FGF14: variants seen among roughly 807,000 people sequenced by gnomAD.
FGF14 encodes fibroblast growth factor homologous factor 4.
FGF14 carries 5 observed loss-of-function variants against 25.5 expected under a neutral mutation model. That is an observed-to-expected ratio of 0.20 (90% confidence interval 0.10 to 0.41). The LOEUF (loss-of-function observed/expected upper bound fraction) is 0.41, where lower values mean the gene tolerates loss of function less well. Ranked by LOEUF, FGF14 falls within the 10% of genes least tolerant of loss-of-function variation. The pLI, the probability that FGF14 is intolerant of heterozygous loss-of-function variation, is 1.00. For missense variants in FGF14, 222 were observed against 320.1 expected (o/e 0.69, Z 2.34); for synonymous variants, 138 against 118.3 (o/e 1.17, Z -1.08).
At chr13:101,773,799 G>A (rs1001305533) in intron 3 of FGF14, among the ~76,000 whole-genome samples, 1 of 150,182 alleles carries the variant, frequency 6.7e-6, no homozygotes, top group Non-Finnish European at 1.5e-5. Flanking sequence ...TTGGGCTAAA[G>A]TCCCAACCAG....
At chr13:101,733,260 T>C (rs2035929318) in intron 3 of FGF14, among the ~76,000 whole-genome samples, 1 of 152,050 alleles carries the variant, frequency 6.6e-6, no homozygotes, top group African/African-American at 2.4e-5. Flanking sequence ...AGTTAATTGG[T>C]TGTGTGTGTA....
intron 1 of FGF14, among the ~76,000 whole-genome samples, chr13:101,885,562 G>A (rs774209636): frequency 6.6e-6 from 1 of 152,150 alleles, no homozygotes; most frequent in Non-Finnish European, 1.5e-5. Flanking sequence ...CACTCCTTTC[G>A]AATGGCATAG....
At chr13:101,957,990 A>G (rs928861979) in intron 1 of FGF14, among the ~76,000 whole-genome samples, 2 of 152,266 alleles carry the variant, frequency 1.3e-5, no homozygotes, top group African/African-American at 2.4e-5. Flanking sequence ...TAAATAGTAT[A>G]GGAAAATAAC....
intron 3 of FGF14, among the ~76,000 whole-genome samples, chr13:101,855,561 C>T (rs2044083078): frequency 6.6e-6 from 1 of 151,802 alleles, no homozygotes; most frequent in South Asian, 2.1e-4. Flanking sequence ...GAAATTAAGT[C>T]CTGCTATGTG....
chr13:102,241,626 A>G (rs1016636310), intron 1 of FGF14, among the ~76,000 whole-genome samples: 1 of 152,182 alleles, frequency 6.6e-6, no homozygotes, highest in African/African-American at 2.4e-5. Flanking sequence ...TTTGAGCTCA[A>G]GAACTTGAGC....
intron 3 of FGF14, among the ~76,000 whole-genome samples, chr13:101,840,018 T>A (rs2043121584): frequency 6.6e-6 from 1 of 151,990 alleles, no homozygotes; most frequent in African/African-American, 2.4e-5. Context: ...ATACTTGTGA[T>A]TTAATGCCCA....
intron 1 of FGF14, among the ~76,000 whole-genome samples, chr13:102,349,273 G>A (rs901035648): frequency 6.6e-6 from 1 of 152,122 alleles, no homozygotes; most frequent in East Asian, 1.9e-4. Context: ...GCTCAAACTA[G>A]TTCCACTAGC....
At chr13:102,280,229 C>T (rs751836102) in intron 1 of FGF14, among the ~76,000 whole-genome samples, 5 of 152,124 alleles carry the variant, frequency 3.3e-5, no homozygotes. Flanking sequence ...GAATAAATAG[C>T]ATATTTATCT....
chr13:101,837,416 A>G (rs1409884510), intron 3 of FGF14, among the ~76,000 whole-genome samples: 1 of 152,116 alleles, frequency 6.6e-6, no homozygotes, highest in Non-Finnish European at 1.5e-5. Context: ...TCTTGAAAAG[A>G]TAAGGTTTGT....
chr13:102,021,987 G>A (rs925661229), intron 1 of FGF14, among the ~76,000 whole-genome samples: 1 of 152,056 alleles, frequency 6.6e-6, no homozygotes, highest in Non-Finnish European at 1.5e-5. Flanking sequence ...CAAGATCAGT[G>A]ATGTCATGAT....
chr13:101,999,411 A>G (rs1024948973), intron 1 of FGF14, among the ~76,000 whole-genome samples: 26 of 151,918 alleles, frequency 1.7e-4, no homozygotes, highest in Admixed American at 7.9e-4. Flanking sequence ...TCTTTGTTCT[A>G]TTCTCCTCTT....
At chr13:101,759,309 T>C (rs1407141586) in intron 3 of FGF14, among the ~76,000 whole-genome samples, 1 of 152,098 alleles carries the variant, frequency 6.6e-6, no homozygotes, top group Non-Finnish European at 1.5e-5. Context: ...TATATGTACA[T>C]GTATTAGGGA....
chr13:101,794,315 C>A (rs1446443480), intron 3 of FGF14, among the ~76,000 whole-genome samples: 3 of 152,010 alleles, frequency 2.0e-5, no homozygotes, highest in Non-Finnish European at 4.4e-5. Context: ...GTTATTAAAT[C>A]TACCAAAGGA....
At chr13:102,374,493 G>GTTCAT (rs1370568422) in intron 1 of FGF14, among the ~76,000 whole-genome samples, 2 of 151,390 alleles carry the variant, frequency 1.3e-5, no homozygotes, top group East Asian at 3.9e-4. Context: ...ATTATGTTCA[G>GTTCAT]CTGTGAAGTA....
chr13:102,301,024 A>C (rs2055023769), intron 1 of FGF14, among the ~76,000 whole-genome samples: 1 of 152,166 alleles, frequency 6.6e-6, no homozygotes. Flanking sequence ...TTTTAAAAGA[A>C]AAAGGCTATT....
chr13:102,308,432 A>G (rs1464910039), intron 1 of FGF14, among the ~76,000 whole-genome samples: 2 of 152,198 alleles, frequency 1.3e-5, no homozygotes, highest in African/African-American at 2.4e-5. Flanking sequence ...ATACTTTATA[A>G]CTTTCAAGAG....
chr13:101,968,590 G>A (rs948393450), intron 1 of FGF14, among the ~76,000 whole-genome samples: 1 of 150,148 alleles, frequency 6.7e-6, no homozygotes, highest in Non-Finnish European at 1.5e-5. Flanking sequence ...GGAGAATGGC[G>A]TGAACCTGGG....
intron 1 of FGF14, among the ~76,000 whole-genome samples, chr13:102,184,107 A>G (rs1280712581): frequency 6.6e-6 from 1 of 152,128 alleles, no homozygotes; most frequent in African/African-American, 2.4e-5. Context: ...TTGGTAATGG[A>G]GCCCCTGCTG....
rs1180868007 is a variant in FGF14 at position 101,972,782 on chromosome 13, T to C, written c.209-97486A>G. On this transcript the variant is annotated intron_variant, in intron 1 of 4. Coordinates refer to the FGF14 transcript ENST00000376131. ...CCTCTGCCTCCCTGAGAGCTGGGAT[T>C]ACAGGCATGAGCCACCGTGCCCAGC... Among the ~76,000 whole-genome samples, 5 of 152,242 alleles carry C rather than the reference T, an allele frequency of 3.3e-5. No homozygotes were observed. The East Asian group carries it at 9.6e-4, about 29-fold the overall frequency.
Sources: gnomAD v4.1 joint callset for allele counts (sites outside exome capture counted in the v4.1 genomes callset) on GRCh38, gnomAD v4.1.1 for gene constraint, MANE v1.5 for transcripts, NCBI Gene and HGNC (gene_info 2026-07-23, HGNC 2026-07-21) for gene names.